TRMT44: variants seen among roughly 807,000 people sequenced by gnomAD.
TRMT44 encodes the protein probable tRNA (uracil-O(2)-)-methyltransferase.
In TRMT44, 78 loss-of-function variants were observed where a neutral mutation model predicts 77.3. The ratio of observed to expected loss-of-function variants is 1.01; its 90% CI spans 0.84 to 1.22. TRMT44 has a LOEUF of 1.22. Among genes scored for constraint, TRMT44 ranks in the 50% most tolerant of loss-of-function variants. The pLI is 0.00. For missense variants in TRMT44, 1,090 were observed against 964.4 expected (o/e 1.13, Z -1.73); for synonymous variants, 391 against 383.3 (o/e 1.02, Z -0.23).
intron 6 of TRMT44, among the ~76,000 whole-genome samples, chr4:8,457,297 G>A (rs1442614199): frequency 1.3e-5 from 2 of 152,170 alleles, no homozygotes; most frequent in Admixed American, 6.5e-5. Flanking sequence ...AACACCAGCT[G>A]CCAGTCACTT....
the TRMT44 span, among the ~76,000 whole-genome samples, chr4:8,503,627 G>T: frequency 6.6e-6 from 1 of 152,210 alleles, no homozygotes; most frequent in Non-Finnish European, 1.5e-5. Flanking sequence ...AAGGTGCAGA[G>T]AACTTTCCAC....
At chr4:8,493,713 C>T (rs1443727062), downstream of TRMT44, among the ~76,000 whole-genome samples, 5 of 152,024 alleles carry the variant, frequency 3.3e-5, no homozygotes, top group East Asian at 1.9e-4. Context: ...CTCAGCGCAG[C>T]GGATCCTTTT....
intron 10 of TRMT44, among the ~76,000 whole-genome samples, chr4:8,474,897 C>T (rs1015024709): frequency 3.3e-5 from 5 of 152,292 alleles, no homozygotes; most frequent in East Asian, 1.9e-4. Context: ...AGGTGACGAG[C>T]GGGCCCACAG....
chr4:8,441,477 A>G, intron 1 of TRMT44, 36 bp downstream of exon 1: 1 of 1,445,792 alleles, frequency 6.9e-7, no homozygotes, highest in South Asian at 1.5e-5. Flanking sequence ...ATATGATTAG[A>G]TAAAAAAGCA....
At chr4:8,481,229 C>A (rs1312285467), downstream of TRMT44, among the ~76,000 whole-genome samples, 2 of 152,210 alleles carry the variant, frequency 1.3e-5, no homozygotes, top group Non-Finnish European at 2.9e-5. Flanking sequence ...CACTTGTAGC[C>A]TGGAAGCTTC....
At chr4:8,503,438 CTGA>C in the TRMT44 span, among the ~76,000 whole-genome samples, 3 of 152,198 alleles carry the variant, frequency 2.0e-5, no homozygotes, top group Non-Finnish European at 4.4e-5. Flanking sequence ...GGACACTGGG[CTGA>C]CAGTGTGCAC....
Position 8,468,284 on chromosome 4 carries a change from G to C in TRMT44, c.1865G>C (p.Gly622Ala). The stretch of plus-strand genomic sequence containing the variant: ...TTGCAAGTAGCGAATTTACTGTTAG[G>C]TGGAAAGCAATTAAACACAAGAAGT... ...VVLQVANLLL[G>A]GKQLNTRSSR... The change falls in exon 9 of 11, where the codon GGT becomes GCT. Residue 622 changes from glycine (G) to alanine (A), a missense_variant. Coordinates refer to ENST00000389737, the MANE Select transcript of TRMT44 (RefSeq NM_152544.3). 1 of 1,614,218 alleles carries C rather than the reference G, an allele frequency of 6.2e-7. No individual in the cohort carries two copies. Among genetic ancestry groups the C allele is most frequent in the Non-Finnish European group, 8.5e-7 (1 of 1,180,044 alleles).
the TRMT44 span, chr4:8,509,290 T>C: frequency 6.6e-6 from 1 of 152,560 alleles, no homozygotes; most frequent in Non-Finnish European, 1.5e-5. Flanking sequence ...TCCGGCCTCA[T>C]GTGTAAGATG....
rs147022660 is a variant in TRMT44 at position 8,484,721 on chromosome 4, A to T, written n.3891+5188A>T. On this transcript the variant is annotated intron_variant and non_coding_transcript_variant, in intron 2 of 2. Coordinates refer to the TRMT44 transcript ENST00000511366. ...GGAGTGGGGAAAGGATTTAGGATCT[A>T]TGGGGTCAACTAGGTTTCCTTTTGT... is the stretch of plus-strand genomic sequence containing the variant. Among the ~76,000 whole-genome samples the T allele has an allele frequency of 7.9e-3, 1,205 of 152,254 alleles. 13 individuals carry two copies. The highest frequency in any genetic ancestry group is 0.026 in the African/African-American group (1,087 of 41,540).
chr4:8,463,928 C>A (rs1009885308), intron 6 of TRMT44, 57 bp from the exon 7 acceptor site: 6 of 1,456,196 alleles, frequency 4.1e-6, no homozygotes, highest in Middle Eastern at 1.7e-4. Context: ...GTCCTGCCCA[C>A]GCAGTAGCTC....
At chr4:8,489,380 C>T (rs1433724779) in intron 2 of TRMT44, among the ~76,000 whole-genome samples, 1 of 152,230 alleles carries the variant, frequency 6.6e-6, no homozygotes, top group Non-Finnish European at 1.5e-5. Flanking sequence ...AGCTAACCCA[C>T]CCCCATCTTA....
At chr4:8,491,217 CAG>C (rs1727992617) in intron 2 of TRMT44, among the ~76,000 whole-genome samples, 1 of 152,084 alleles carries the variant, frequency 6.6e-6, no homozygotes, top group South Asian at 2.1e-4. Flanking sequence ...CAGCTAGATA[CAG>C]AGTGTCGATT....
intron 2 of TRMT44, among the ~76,000 whole-genome samples, chr4:8,489,719 C>G (rs890856409): frequency 1.3e-5 from 2 of 152,200 alleles, no homozygotes; most frequent in African/African-American, 2.4e-5. Context: ...CTCAGGTGAT[C>G]AGCCTGCCTT....
chr4:8,463,907 C>A, intron 6 of TRMT44, 78 bp from the exon 7 acceptor site: 1 of 1,212,034 alleles, frequency 8.3e-7, no homozygotes, highest in Non-Finnish European at 1.2e-6. Flanking sequence ...GAGCCTGTAC[C>A]CTCCCGCCAT....
chr4:8,465,404 T>C lies in TRMT44; in HGVS notation c.1337T>C (p.Val446Ala), dbSNP rs758862638. Residue 446 changes from valine to alanine, a missense_variant, in exon 8 of 11, where the codon GTC becomes GCC. Physicochemically the swap from Val to Ala is moderately conservative, Grantham distance 64. Transcript: ENST00000389737. ...TCTTCCTACAATTGCCGCTTCTTTG[T>C]CCTCCCCTGCTGCTTCTTTGACTTC... Reference protein sequence around the residue: ...ARSSYNCRFFVLPCCFFDFIG... With the variant: ...ARSSYNCRFFALPCCFFDFIG... 4 of 1,613,322 alleles carry C rather than the reference T, an allele frequency of 2.5e-6. No individual in the cohort carries two copies. Among genetic ancestry groups the C allele is most frequent in the Non-Finnish European group, 3.4e-6 (4 of 1,179,772 alleles).
the TRMT44 span, among the ~76,000 whole-genome samples, chr4:8,500,691 CTG>C: frequency 8.7e-5 from 13 of 149,818 alleles, no homozygotes; most frequent in Non-Finnish European, 1.8e-4. Context: ...GAGTCTCACT[CTG>C]TTGCCCAGCC....
intron 6 of TRMT44, among the ~76,000 whole-genome samples, chr4:8,459,962 G>T (rs1046111002): frequency 6.6e-6 from 1 of 152,168 alleles, no homozygotes; most frequent in Non-Finnish European, 1.5e-5. Flanking sequence ...GGGCCAGGGT[G>T]GGCTACAGAC....
chr4:8,482,786 A>C (rs1727664796), intron 2 of TRMT44, among the ~76,000 whole-genome samples: 1 of 152,012 alleles, frequency 6.6e-6, no homozygotes. Flanking sequence ...CCATCTGGGC[A>C]TATACGTGCA....
In TRMT44 at chr4:8,465,537, C is replaced by G. The variant is rs1726480831; in HGVS notation, c.1470C>G (p.Cys490Trp). 1.9e-6 allele frequency: 3 copies of G among 1,612,676 alleles called. No individual in the cohort carries two copies. The stretch of plus-strand genomic sequence containing the variant: ...GTGGGTTTCACGTGGACGAAGACTG[C>G]CTCAGGATTCCTTCAACCAAAAGAG... ...FTCGFHVDED[C>W]LRIPSTKRVC... Residue 490 changes from cysteine to tryptophan, a missense_variant, in exon 8 of 11, where the codon TGC becomes TGG. Physicochemically the swap from Cys to Trp is radical, Grantham distance 215 (BLOSUM62 -2). Transcript: ENST00000389737.
Sources: allele counts gnomAD v4.1 joint callset (sites outside exome capture counted in the v4.1 genomes callset), GRCh38; gene constraint gnomAD v4.1.1; transcripts MANE v1.5; gene names NCBI Gene and HGNC (gene_info 2026-07-23, HGNC 2026-07-21).